The following NSDHL variants were observed in gnomAD, a reference collection of about 807,000 sequenced individuals.
NSDHL encodes the protein NAD(P) dependent 3-beta-hydroxysteroid dehydrogenase NSDHL, also known as sterol-4-alpha-carboxylate 3-dehydrogenase, decarboxylating.
NSDHL carries 1 observed loss-of-function variant against 23.0 expected under a neutral mutation model. The observed-to-expected ratio is 0.04, with a 90% CI of 0.02 to 0.21. The LOEUF is 0.21. NSDHL is among the 10% of genes least tolerant of loss of function. The probability of loss-of-function intolerance (pLI) is 1.00; values close to 1 mark genes in which losing one functional copy is unlikely to be tolerated. For synonymous variants in NSDHL, 128 were observed against 121.1 expected (o/e 1.06, Z -0.37); for missense variants, 237 against 300.9 (o/e 0.79, Z 1.57).
At position 152,869,300 on chromosome X, in the gene NSDHL, CATGGAA is replaced by C; in HGVS notation, c.*185_*190del. On this transcript the variant is annotated 3_prime_UTR_variant, in exon 8 of 8. Coordinates refer to ENST00000370274, the MANE Select transcript of NSDHL (RefSeq NM_015922.3). ...CGGCAAAAACAGACATTTCTTCCTTCATGGAACTGGATTTGGATTTCTTGAAGCAGG... is the reference window on the plus strand; with the variant it reads ...CGGCAAAAACAGACATTTCTTCCTTCCTGGATTTGGATTTCTTGAAGCAGG... The C allele has an allele frequency of 2.1e-6, 1 of 482,142 alleles. No homozygotes were observed. The highest frequency in any genetic ancestry group is 3.7e-5 in the East Asian group (1 of 27,050). The allele number at this position is 482,142 out of a possible 1,213,427, so 39.7% of individuals were successfully genotyped here. A position where few individuals can be genotyped will look rare whatever the true frequency, so the allele number is the denominator to read the frequency against.
At chrX:152,838,102 C>T (rs782774331) in intron 1 of NSDHL, among the ~76,000 whole-genome samples, 1 of 112,117 alleles carries the variant, frequency 8.9e-6, no homozygotes. Context: ...TTATAGTATT[C>T]TCTGATGGTA....
At position 152,869,019 on chromosome X, in the gene NSDHL, G is replaced by A; in HGVS notation, c.1025G>A (p.Arg342Lys). 8.3e-7 allele frequency: 1 copy of A among 1,211,840 alleles called. No individual in the cohort carries two copies. Among genetic ancestry groups the A allele is most frequent in the Admixed American group, 2.2e-5 (1 of 46,085 alleles). ...AGTFHYYSCE[R>K]AKKAMGYQPL... ...ACATTCCACTACTACAGCTGCGAGAGAGCCAAAAAGGCCATGGGCTACCAG... is the reference window on the plus strand; with the variant it reads ...ACATTCCACTACTACAGCTGCGAGAAAGCCAAAAAGGCCATGGGCTACCAG... Residue 342 changes from arginine (R) to lysine (K), a missense_variant, in exon 8 of 8, where the codon AGA becomes AAA. By Grantham distance (26) the Arg-to-Lys change is conservative (BLOSUM62 2). Coordinates refer to ENST00000370274, the MANE Select transcript of NSDHL (RefSeq NM_015922.3).
chrX:152,847,410 G>A (rs1174709791), intron 2 of NSDHL, among the ~76,000 whole-genome samples: 1 of 112,052 alleles, frequency 8.9e-6, no homozygotes, highest in East Asian at 2.8e-4. Context: ...GTTATCATGG[G>A]CCGTGAAATC....
chrX:152,868,699 G>T lies in NSDHL; in HGVS notation c.790-85G>T, dbSNP rs1467410256. On this transcript the variant is annotated intron_variant, in intron 7 of 7. Transcript: ENST00000370274. ...GCTGCAGCAATTAGGCAGTGAGAAT[G>T]CGATCTGCACGGGCTTAATAGATGC... 2.2e-5 allele frequency: 18 copies of T among 806,061 alleles called. No homozygotes were observed. The African/African-American group carries it at 3.2e-4, about 14-fold the overall frequency. The allele number at this position is 806,061 out of a possible 1,213,427, so 66.4% of individuals were successfully genotyped here. A position where few individuals can be genotyped will look rare whatever the true frequency, so the allele number is the denominator to read the frequency against.
intron 5 of NSDHL, among the ~76,000 whole-genome samples, chrX:152,862,979 TGGC>T (rs1933550815): frequency 9.0e-6 from 1 of 110,975 alleles, no homozygotes; most frequent in Admixed American, 9.6e-5. Context: ...CTGGCCAACA[TGGC>T]GAAACCCCAT....
chrX:152,864,109 A>G (rs902007821), intron 5 of NSDHL, among the ~76,000 whole-genome samples: 2 of 110,736 alleles, frequency 1.8e-5, no homozygotes, highest in African/African-American at 6.6e-5. Context: ...ACGGGGTTTC[A>G]CCGTGTTGGT....
rs138562213 is a variant in NSDHL, at chrX:152,858,785, C to G, written c.283C>G (p.Leu95Val). Residue 95 changes from leucine to valine, a missense_variant, in exon 4 of 8, where the codon CTG (leucine) becomes GTG (valine). Coordinates refer to ENST00000370274, the MANE Select transcript of NSDHL (RefSeq NM_015922.3). ...GCTTTTCCAGGATCTGTACCCAGCT[C>G]TGAAAGGTGTAAACACAGTTTTCCA... Reference protein sequence around the residue: ...LCSRQDLYPALKGVNTVFHCA... With the variant: ...LCSRQDLYPAVKGVNTVFHCA... The G allele has an allele frequency of 4.3e-5, 52 of 1,209,420 alleles. No individual in the cohort carries two copies. The African/African-American group carries it at 7.3e-4, about 17-fold the overall frequency.
At chrX:152,832,767 T>A (rs1365908310) in intron 1 of NSDHL, among the ~76,000 whole-genome samples, 1 of 112,301 alleles carries the variant, frequency 8.9e-6, no homozygotes, top group African/African-American at 3.2e-5. Flanking sequence ...TGAGCCTGTT[T>A]CTCATTTGTT....
chrX:152,856,220 A>G (rs1569474111), intron 3 of NSDHL, among the ~76,000 whole-genome samples: 2 of 112,094 alleles, frequency 1.8e-5, no homozygotes, highest in African/African-American at 3.3e-5. Flanking sequence ...ACGTGCAACT[A>G]TTGGGCACTT....
chrX:152,835,826 A>T (rs1342764807), intron 1 of NSDHL, among the ~76,000 whole-genome samples: 1 of 111,726 alleles, frequency 9.0e-6, no homozygotes, highest in Non-Finnish European at 1.9e-5. Flanking sequence ...CAGTAATGGG[A>T]TTGCTGGGTC....
In NSDHL at chrX:152,860,826, G is replaced by A. The variant is rs180693104; in HGVS notation, c.415-1770G>A. ...GCATGTGTAATGTGTGCCCATCCTCGATGCCATTGCTCTCTTCTTGTAGCC... is the reference window on the plus strand; with the variant it reads ...GCATGTGTAATGTGTGCCCATCCTCAATGCCATTGCTCTCTTCTTGTAGCC... On this transcript the variant is annotated intron_variant, in intron 4 of 7. Coordinates refer to ENST00000370274, the MANE Select transcript of NSDHL (RefSeq NM_015922.3). 1.8e-4 allele frequency among the ~76,000 whole-genome samples: 20 copies of A among 112,317 alleles called. No homozygotes were observed. In the East Asian group the frequency reaches 5.0e-3, roughly 28 times the overall value.
chrX:152,836,623 T>C (rs782409094), intron 1 of NSDHL, among the ~76,000 whole-genome samples: 13 of 111,773 alleles, frequency 1.2e-4, no homozygotes, highest in African/African-American at 3.9e-4. Context: ...AGATGTGTGG[T>C]GTTATTTCTG....
chrX:152,838,744 T>C (rs1933142595), intron 1 of NSDHL, among the ~76,000 whole-genome samples: 1 of 111,728 alleles, frequency 9.0e-6, no homozygotes, highest in African/African-American at 3.3e-5. Flanking sequence ...GGAATAAGTG[T>C]GATGTGGTGC....
intron 3 of NSDHL, among the ~76,000 whole-genome samples, chrX:152,852,453 G>T (rs1415879065): frequency 1.8e-5 from 2 of 111,108 alleles, no homozygotes; most frequent in African/African-American, 3.3e-5. Flanking sequence ...AGTAGCAAGG[G>T]TAATCTCCTT....
At chrX:152,836,312 T>C (rs186789902) in intron 1 of NSDHL, among the ~76,000 whole-genome samples, 107 of 112,481 alleles carry the variant, frequency 9.5e-4, no homozygotes, top group African/African-American at 3.1e-3. Flanking sequence ...TTTAATTACA[T>C]CCCATTTGTT....
At chrX:152,842,951 G>A (rs1354907962) in intron 1 of NSDHL, among the ~76,000 whole-genome samples, 1 of 111,925 alleles carries the variant, frequency 8.9e-6, no homozygotes, top group Non-Finnish European at 1.9e-5. Context: ...GGGGACGGGG[G>A]TTGCCTATGG....
At chrX:152,842,018 C>T (rs782509598) in intron 1 of NSDHL, among the ~76,000 whole-genome samples, 2 of 112,434 alleles carry the variant, frequency 1.8e-5, no homozygotes, top group African/African-American at 6.5e-5. Flanking sequence ...TCGAGGTTCA[C>T]GCATGTTGTT....
intron 1 of NSDHL, among the ~76,000 whole-genome samples, chrX:152,844,506 AT>A (rs1400935939): frequency 9.8e-5 from 11 of 112,649 alleles, no homozygotes; most frequent in African/African-American, 3.5e-4. Context: ...GCAGAGGTCA[AT>A]AAGGCCTTGG....
At chrX:152,860,642 A>G (rs1933511838) in intron 4 of NSDHL, among the ~76,000 whole-genome samples, 1 of 110,608 alleles carries the variant, frequency 9.0e-6, no homozygotes. Flanking sequence ...TGAGCCCAGG[A>G]TTTTCAGGCT....
Sources: gnomAD v4.1 joint callset for allele counts (sites outside exome capture counted in the v4.1 genomes callset) on GRCh38, gnomAD v4.1.1 for gene constraint, MANE v1.5 for transcripts, NCBI Gene and HGNC (gene_info 2026-07-23, HGNC 2026-07-21) for gene names.